CACNA1A: variants seen among roughly 807,000 people sequenced by gnomAD.
CACNA1A encodes the protein voltage-dependent P/Q-type calcium channel subunit alpha-1A.
CACNA1A carries 57 observed loss-of-function variants against 262.4 expected under a neutral mutation model. The ratio of observed to expected loss-of-function variants is 0.22; its 90% CI spans 0.18 to 0.27. The LOEUF (loss-of-function observed/expected upper bound fraction) is 0.27. Among genes scored for constraint, CACNA1A ranks in the 10% least tolerant of loss-of-function variants. CACNA1A has a pLI of 1.00. For synonymous variants in CACNA1A, 1,431 were observed against 1,419.3 expected (o/e 1.01, Z -0.18); for missense variants, 2,526 against 3,562.8 (o/e 0.71, Z 7.41).
intron 12 of CACNA1A, 123 bp downstream of exon 12, chr19:13,312,546 C>T (rs2058054797): frequency 6.4e-6 from 4 of 626,260 alleles, no homozygotes; most frequent in Non-Finnish European, 1.1e-5. Context: ...CTCATTCCTT[C>T]TGCATCCATC....
intron 1 of CACNA1A, among the ~76,000 whole-genome samples, chr19:13,476,220 G>A (rs1978514506): frequency 6.6e-6 from 1 of 152,150 alleles, no homozygotes; most frequent in African/African-American, 2.4e-5. Context: ...CAGAACAGAT[G>A]GTGCTAGCTT....
chr19:13,465,233 A>C (rs1270197237), intron 1 of CACNA1A, among the ~76,000 whole-genome samples: 1 of 152,082 alleles, frequency 6.6e-6, no homozygotes, highest in Non-Finnish European at 1.5e-5. Context: ...GTCCAGCCTT[A>C]GTTCCTTTTC....
At position 13,299,252 on chromosome 19, in the gene CACNA1A, T is replaced by A. The variant is rs1374890716; in HGVS notation, c.2381A>T (p.Tyr794Phe). The change falls in exon 19 of 47, where the codon TAT becomes TTT. Residue 794 changes from tyrosine (Y) to phenylalanine (F), a missense_variant. Transcript: ENST00000360228. The part of the protein sequence containing the change: ...QNLLASREAL[Y>F]NEMDPDERWK... ...GCGCTCGTCCGGGTCCATTTCGTTA[T>A]ACAGGGCCTCCCGGCTGGCCAGCAA... 3 of 1,608,258 alleles carry A rather than the reference T, an allele frequency of 1.9e-6. No individual in the cohort carries two copies. The highest frequency in any genetic ancestry group is 2.2e-5 in the South Asian group (2 of 91,088).
At chr19:13,455,931 C>G (rs1387919233) in intron 1 of CACNA1A, among the ~76,000 whole-genome samples, 1 of 149,840 alleles carries the variant, frequency 6.7e-6, no homozygotes, top group African/African-American at 2.5e-5. Flanking sequence ...GGGTGGATCA[C>G]TTGCGGTCAG....
chr19:13,398,413 A>C (rs1267319609), intron 3 of CACNA1A, among the ~76,000 whole-genome samples: 1 of 152,254 alleles, frequency 6.6e-6, no homozygotes, highest in Non-Finnish European at 1.5e-5. Flanking sequence ...AACAGTAACT[A>C]ATACACTTGG....
chr19:13,468,927 C>T (rs1468521211), intron 1 of CACNA1A, among the ~76,000 whole-genome samples: 1 of 152,154 alleles, frequency 6.6e-6, no homozygotes, highest in Admixed American at 6.5e-5. Context: ...ATATGTCCAC[C>T]ATCATGGCCC....
chr19:13,487,723 G>A (rs1980199902), intron 1 of CACNA1A, among the ~76,000 whole-genome samples: 1 of 151,258 alleles, frequency 6.6e-6, no homozygotes, highest in Non-Finnish European at 1.5e-5. Flanking sequence ...TAGCTCTAAG[G>A]CTGCTGACCT....
rs556757239 is a variant in CACNA1A, at chr19:13,328,835, C to T, written c.1345+1409G>A. ...AGGGGCGAGCGATAAAAGGGGAATA[C>T]GAAATAGTGGATCAGAAACTATGGA... On this transcript the variant is annotated intron_variant, in intron 10 of 46. Coordinates refer to ENST00000360228, the MANE Select transcript of CACNA1A (RefSeq NM_001127222.2). Among the ~76,000 whole-genome samples, 9 of 152,108 alleles carry T rather than the reference C, an allele frequency of 5.9e-5. No individual in the cohort carries two copies. In the East Asian group the frequency reaches 1.4e-3, roughly 23 times the overall value.
chr19:13,342,121 A>G (rs1347636976), intron 6 of CACNA1A, among the ~76,000 whole-genome samples: 5 of 151,154 alleles, frequency 3.3e-5, no homozygotes, highest in African/African-American at 1.2e-4. Flanking sequence ...CAATTATTCA[A>G]TTCCATACTC....
At chr19:13,344,035 C>T (rs1025311981) in intron 6 of CACNA1A, among the ~76,000 whole-genome samples, 1 of 150,966 alleles carries the variant, frequency 6.6e-6, no homozygotes, top group Non-Finnish European at 1.5e-5. Flanking sequence ...CACAGTGAGA[C>T]CCCATCTCTA....
rs1568709585 is a variant in CACNA1A at position 13,497,518 on chromosome 19, AAAAATATATATATATATATATATATAT to A, written c.293+8387_293+8413del. ...AAAAAAAAAAAAAAAAAAAAAAAAA[AAAAATATATATATATATATATATATAT>A]ATATATATATATATATATATATATA... On this transcript the variant is annotated intron_variant, in intron 1 of 46. Coordinates refer to ENST00000360228, the MANE Select transcript of CACNA1A (RefSeq NM_001127222.2). 7.3e-4 allele frequency among the ~76,000 whole-genome samples: 16 copies of A among 22,004 alleles called. 1 individual carries two copies. The highest frequency in any genetic ancestry group is 9.9e-4 in the African/African-American group (5 of 5,068). The allele number at this position is 22,004 out of a possible 152,430, so 14.4% of individuals were successfully genotyped here.
chr19:13,303,656 C>T (rs552482615), intron 16 of CACNA1A, 43 bp from the exon 17 acceptor site: 1 of 1,594,090 alleles, frequency 6.3e-7, no homozygotes, highest in South Asian at 1.1e-5. Context: ...TGGTGGGACA[C>T]CACTTGGGCC....
At chr19:13,313,183 T>C (rs939323835) in intron 11 of CACNA1A, among the ~76,000 whole-genome samples, 28 of 151,808 alleles carry the variant, frequency 1.8e-4, no homozygotes, top group African/African-American at 6.5e-4. Context: ...GTCCTTCCCA[T>C]GGGCCTCAGT....
chr19:13,355,854 GC>G (rs2058999266), intron 6 of CACNA1A, among the ~76,000 whole-genome samples: 1 of 152,142 alleles, frequency 6.6e-6, no homozygotes, highest in Non-Finnish European at 1.5e-5. Context: ...ATGTTGAGTA[GC>G]ATCCGTGGCC....
In CACNA1A at chr19:13,224,774, T is replaced by C. The variant is rs1157003000; in HGVS notation, c.5626-2A>G. On this transcript the variant is annotated splice_acceptor_variant, in intron 37 of 46. Coordinates refer to ENST00000360228, the MANE Select transcript of CACNA1A (RefSeq NM_001127222.2). LOFTEE classifies it high-confidence loss of function. ...GGGCAGGTCCATCCGCAGAAGCCGC[T>C]ACAGAAAACCCAAGGCAAGCGCAGT... 6.2e-7 allele frequency: 1 copy of C among 1,602,616 alleles called. No homozygotes were observed. The highest frequency in any genetic ancestry group is 8.5e-7 in the Non-Finnish European group (1 of 1,174,630).
At chr19:13,328,201 C>T (rs10404089) in intron 10 of CACNA1A, among the ~76,000 whole-genome samples, 3 of 151,888 alleles carry the variant, frequency 2.0e-5, no homozygotes, top group African/African-American at 2.4e-5. Flanking sequence ...CACTGTACCT[C>T]GTCATAAAAC....
At chr19:13,499,450 T>C (rs8100945) in intron 1 of CACNA1A, among the ~76,000 whole-genome samples, 9 of 85,978 alleles carry the variant, frequency 1.0e-4, no homozygotes, top group African/African-American at 4.5e-4. Context: ...CAGGGGGTGG[T>C]GGGGGGGGGC....
chr19:13,227,544 T>C lies in CACNA1A; in HGVS notation c.5529-17A>G, dbSNP rs1329671957. ...ATGCGGCCCCTGGCAGCACCGAAAA[T>C]GAAAAAAACAAAAACAAAAACAAAA... On this transcript the variant is annotated splice_polypyrimidine_tract_variant and intron_variant, in intron 36 of 46. Coordinates refer to ENST00000360228, the MANE Select transcript of CACNA1A (RefSeq NM_001127222.2). 3.5e-6 allele frequency: 5 copies of C among 1,435,588 alleles called. No homozygotes were observed. Among genetic ancestry groups the C allele is most frequent in the Non-Finnish European group, 4.7e-6 (5 of 1,073,274 alleles). The allele number at this position is 1,435,588 out of a possible 1,614,324, so 88.9% of individuals were successfully genotyped here.
At chr19:13,242,642 T>C (rs2056109850) in intron 31 of CACNA1A, among the ~76,000 whole-genome samples, 1 of 152,192 alleles carries the variant, frequency 6.6e-6, no homozygotes, top group South Asian at 2.1e-4. Flanking sequence ...CTCCTTAGAA[T>C]GTCAGCTCTA....
Sources: gnomAD v4.1 joint callset for allele counts (sites outside exome capture counted in the v4.1 genomes callset) on GRCh38, gnomAD v4.1.1 for gene constraint, MANE v1.5 for transcripts, NCBI Gene and HGNC (gene_info 2026-07-23, HGNC 2026-07-21) for gene names.